WRAP73: variants seen among roughly 807,000 people sequenced by gnomAD.
The protein encoded by WRAP73 is WD repeat containing, antisense to TP73, also known as WD repeat-containing protein WRAP73.
WRAP73 carries 55 observed loss-of-function variants against 59.6 expected under a neutral mutation model. The observed-to-expected ratio is 0.92, with a 90% CI of 0.74 to 1.15. The LOEUF (loss-of-function observed/expected upper bound fraction) is 1.15, where lower values mean the gene tolerates loss of function less well. WRAP73 is among the 50% of genes most tolerant of loss of function. WRAP73 has a pLI of 0.00. For missense variants in WRAP73, 592 were observed against 608.1 expected (o/e 0.97, Z 0.28); for synonymous variants, 265 against 258.2 (o/e 1.03, Z -0.25).
chr1:3,630,932 A>G lies in WRAP73; in HGVS notation c.*43T>C. The G allele has an allele frequency of 6.3e-7, 1 of 1,584,068 alleles. No individual in the cohort carries two copies. Among genetic ancestry groups the G allele is most frequent in the Non-Finnish European group, 8.6e-7 (1 of 1,161,178 alleles). On this transcript the variant is annotated 3_prime_UTR_variant, in exon 12 of 12. Coordinates refer to ENST00000270708, the MANE Select transcript of WRAP73 (RefSeq NM_017818.4). ...AAGCTGTGTTTTTTCCCACACTGGAAACACAGAGTAGCCCTGTTTCTGCAC... is the reference window on the plus strand; with the variant it reads ...AAGCTGTGTTTTTTCCCACACTGGAGACACAGAGTAGCCCTGTTTCTGCAC...
At chr1:3,640,519 AGCGCCC>A (rs1644631381) in intron 3 of WRAP73, among the ~76,000 whole-genome samples, 2 of 37,152 alleles carry the variant, frequency 5.4e-5, no homozygotes, top group African/African-American at 7.7e-5. Context: ...GGCGGGGTGC[AGCGCCC>A]GAGGCTCTGA....
At chr1:3,636,939 C>G in intron 5 of WRAP73, 56 bp downstream of exon 5, 1 of 1,528,298 alleles carries the variant, frequency 6.5e-7, no homozygotes, top group Non-Finnish European at 9.0e-7. Context: ...ATCTACTTCA[C>G]TCGATCCCTC....
At position 3,646,763 on chromosome 1, in the gene WRAP73, G is replaced by A; in HGVS notation, c.242C>T (p.Pro81Leu). The A allele has an allele frequency of 1.2e-6, 2 of 1,612,596 alleles. No individual in the cohort carries two copies. Among genetic ancestry groups the A allele is most frequent in the Non-Finnish European group, 1.7e-6 (2 of 1,179,276 alleles). The change falls in exon 3 of 12, where the codon CCC becomes CTC. Residue 81 changes from proline to leucine, a missense_variant. Transcript: ENST00000270708. The surrounding 1 kb of genome is among the most constrained non-coding windows in gnomAD (Gnocchi z 5.1). ...GLVQVWSLEQ[P>L]EWHCKIDEGS... ...CTCGTCTATTTTGCAGTGCCATTCG[G>A]GCTGCTCTAAAGACCAGACCTGGAT...
chr1:3,632,120 C>T (rs1644541311), intron 10 of WRAP73, 93 bp downstream of exon 10: 1 of 1,519,322 alleles, frequency 6.6e-7, no homozygotes, highest in South Asian at 1.3e-5. Flanking sequence ...GTGTCGGAAA[C>T]CCCCAACTTC....
chr1:3,631,887 T>G (rs74048690), intron 10 of WRAP73: 13,469 of 784,980 alleles, frequency 0.017, 13 homozygotes, highest in East Asian at 0.041. Context: ...TCTTTGGTAT[T>G]TTTTTTTTTT....
intron 1 of WRAP73, among the ~76,000 whole-genome samples, chr1:3,648,086 T>C (rs1644707896): frequency 6.6e-6 from 1 of 152,260 alleles, no homozygotes; most frequent in Admixed American, 6.5e-5. Context: ...AGACAGGCTT[T>C]CACTTCTGCA....
intron 3 of WRAP73, among the ~76,000 whole-genome samples, chr1:3,640,523 CCCGAGG>C (rs1557460558): frequency 9.0e-5 from 11 of 122,630 alleles, no homozygotes; most frequent in African/African-American, 2.6e-4. Context: ...GGGTGCAGCG[CCCGAGG>C]CTCTGAGCAT....
At chr1:3,633,542 G>A (rs1377023086) in intron 8 of WRAP73, 39 bp from the exon 9 acceptor site, 7 of 1,497,996 alleles carry the variant, frequency 4.7e-6, no homozygotes, top group Non-Finnish European at 6.3e-6. Context: ...CTCAGGACAG[G>A]GACCCGGAAG....
intron 2 of WRAP73, chr1:3,647,160 C>G (rs1348842779): frequency 5.0e-5 from 24 of 480,688 alleles, no homozygotes; most frequent in Non-Finnish European, 5.4e-5. Context: ...TGAAACACAC[C>G]ACATCCGCGT....
Position 3,647,453 on chromosome 1 carries a change from G to A in WRAP73, c.177C>T (p.Asp59=). 6.2e-7 allele frequency: 1 copy of A among 1,613,908 alleles called. No individual in the cohort carries two copies. Among genetic ancestry groups the A allele is most frequent in the Non-Finnish European group, 8.5e-7 (1 of 1,179,912 alleles). The change falls in exon 2 of 12, where the codon GAC becomes GAT. Residue 59 remains aspartate (D), a synonymous_variant. Transcript: ENST00000270708. ...ACATGGCGCACAGGATGAAGAGCGAGTCTGCCGACCACTCGATGTGCTGGA... is the reference window on the plus strand; with the variant it reads ...ACATGGCGCACAGGATGAAGAGCGAATCTGCCGACCACTCGATGTGCTGGA... The part of the protein sequence containing the change: ...DQIQHIEWSA[D]SLFILCAMYK...
chr1:3,633,562 G>T, intron 8 of WRAP73, 59 bp from the exon 9 acceptor site: 2 of 1,378,162 alleles, frequency 1.5e-6, no homozygotes, highest in South Asian at 1.4e-5. Context: ...GCCAAGGATG[G>T]ACGTGGCAAA....
intron 8 of WRAP73, chr1:3,634,398 C>T (rs1388250540): frequency 4.3e-5 from 7 of 163,360 alleles, no homozygotes; most frequent in East Asian, 1.7e-4. Context: ...GCGCAGTGCC[C>T]GCTGCACACA....
chr1:3,646,665 C>T lies in WRAP73; in HGVS notation c.339+1G>A. 6.3e-7 allele frequency: 1 copy of T among 1,593,358 alleles called. No homozygotes were observed. The highest frequency in any genetic ancestry group is 8.6e-7 in the Non-Finnish European group (1 of 1,165,480). On this transcript the variant is annotated splice_donor_variant, in intron 3 of 11. Transcript: ENST00000270708. LOFTEE classifies it high-confidence loss of function. The surrounding 1 kb of genome is among the most constrained non-coding windows in gnomAD (Gnocchi z 5.1). ...TAAGGTGTCTTGGGGCTGACACTTA[C>T]ATGGAATTCCGTGGTGTTGAGAATG...
intron 1 of WRAP73, 54 bp from the exon 2 acceptor site, chr1:3,647,614 G>A: frequency 1.3e-6 from 2 of 1,583,812 alleles, no homozygotes; most frequent in Non-Finnish European, 1.7e-6. Context: ...AAAGAGGGGG[G>A]CCTTCGGAAT....
intron 1 of WRAP73, among the ~76,000 whole-genome samples, chr1:3,648,813 G>A (rs1450886800): frequency 6.6e-6 from 1 of 151,980 alleles, no homozygotes; most frequent in African/African-American, 2.4e-5. Flanking sequence ...ATTTAATTGA[G>A]GAGGGGGGCA....
At chr1:3,641,475 G>A (rs1644643757) in intron 3 of WRAP73, among the ~76,000 whole-genome samples, 1 of 152,206 alleles carries the variant, frequency 6.6e-6, no homozygotes, top group Non-Finnish European at 1.5e-5. Context: ...AAACCAGCAA[G>A]ATGCCAGGGA....
rs1263485263 is a variant in WRAP73 at position 3,650,081 on chromosome 1, G to T, written c.-82C>A. The T allele has an allele frequency of 7.2e-7, 1 of 1,395,432 alleles. No individual in the cohort carries two copies. Among genetic ancestry groups the T allele is most frequent in the Non-Finnish European group, 9.6e-7 (1 of 1,043,898 alleles). The allele number at this position is 1,395,432 out of a possible 1,614,324, so 86.4% of individuals were successfully genotyped here. On this transcript the variant is annotated 5_prime_UTR_variant, in exon 1 of 12. Coordinates refer to ENST00000270708, the MANE Select transcript of WRAP73 (RefSeq NM_017818.4). ...CGCGCAGCAGGCTGCAACAGCCGACGCCGGCCTCCGAGGCCGGAAGTCAGA... is the reference window on the plus strand; with the variant it reads ...CGCGCAGCAGGCTGCAACAGCCGACTCCGGCCTCCGAGGCCGGAAGTCAGA...
rs774768761 is a variant in WRAP73 at position 3,637,075 on chromosome 1, G to C, written c.436C>G (p.Arg146Gly). Residue 146 changes from arginine to glycine, a missense_variant, in exon 5 of 12, where the codon CGC becomes GGC. Physicochemically the swap from Arg to Gly is moderately radical, Grantham distance 125. Coordinates refer to ENST00000270708, the MANE Select transcript of WRAP73 (RefSeq NM_017818.4). ...LQGITFTRDG[R>G]YMALAERRDC... The stretch of plus-strand genomic sequence containing the variant: ...CGCCGTTCTGCCAGCGCCATGTAGC[G>C]GCCGTCCCTGGTGAAGGTGATTCCT... The C allele has an allele frequency of 2.5e-6, 4 of 1,611,562 alleles. No individual in the cohort carries two copies. Among genetic ancestry groups the C allele is most frequent in the Non-Finnish European group, 3.4e-6 (4 of 1,179,348 alleles).
chr1:3,642,063 A>G (rs1245405747), intron 3 of WRAP73, among the ~76,000 whole-genome samples: 2 of 152,240 alleles, frequency 1.3e-5, no homozygotes, highest in African/African-American at 2.4e-5. Flanking sequence ...GTTTGTATGC[A>G]GCTAACAACA....
Sources: gnomAD v4.1 joint callset for allele counts (sites outside exome capture counted in the v4.1 genomes callset) on GRCh38, gnomAD v4.1.1 for gene constraint, Gnocchi (gnomAD v3.1) non-coding constraint, MANE v1.5 for transcripts, NCBI Gene and HGNC (gene_info 2026-07-23, HGNC 2026-07-21) for gene names.